MYOF: variants seen among roughly 807,000 people sequenced by gnomAD.
MYOF encodes the protein myoferlin.
A neutral mutation model predicts 284.2 loss-of-function variants in MYOF; 244 were observed. The ratio of observed to expected loss-of-function variants is 0.86; its 90% CI spans 0.77 to 0.95. MYOF has a LOEUF of 0.95. Among genes scored for constraint, MYOF ranks in the 40% least tolerant of loss-of-function variants. The probability of loss-of-function intolerance (pLI) is 0.00; values close to 1 mark genes in which losing one functional copy is unlikely to be tolerated. For missense variants in MYOF, 2,496 were observed against 2,560.6 expected (o/e 0.97, Z 0.54); for synonymous variants, 904 against 919.7 (o/e 0.98, Z 0.31).
chr10:93,389,080 T>C lies in MYOF; in HGVS notation c.1531A>G (p.Arg511Gly), dbSNP rs942696844. 2 of 1,614,190 alleles carry C rather than the reference T, an allele frequency of 1.2e-6. No individual in the cohort carries two copies. Among genetic ancestry groups the C allele is most frequent in the Non-Finnish European group, 8.5e-7 (1 of 1,180,022 alleles). Residue 511 changes from arginine to glycine, a missense_variant, in exon 18 of 54, where the codon AGA becomes GGA. Physicochemically the swap from Arg to Gly is moderately radical, Grantham distance 125. Around this residue, in one of 3 missense-constraint regions of MYOF, gnomAD observed 2,436 missense variants for 2,480.7 expected, o/e 0.98. Transcript: ENST00000359263. ...GGGTCTGGGAATCCCGTGTACTCTCTGGGGCTTCCATAAAGATTCAGGTAA... is the reference window on the plus strand; with the variant it reads ...GGGTCTGGGAATCCCGTGTACTCTCCGGGGCTTCCATAAAGATTCAGGTAA... ...PCYLNLYGSP[R>G]EYTGFPDPYD...
intron 43 of MYOF, among the ~76,000 whole-genome samples, chr10:93,332,304 C>T (rs1476561794): frequency 6.6e-6 from 1 of 151,544 alleles, no homozygotes; most frequent in Non-Finnish European, 1.5e-5. Context: ...CTCACTGCAA[C>T]CTCCACCTCC....
Position 93,337,865 on chromosome 10 carries a change from C to T in MYOF, c.4387G>A (p.Glu1463Lys), listed in dbSNP as rs757500620. 3 of 1,614,044 alleles carry T rather than the reference C, an allele frequency of 1.9e-6. No homozygotes were observed. The highest frequency in any genetic ancestry group is 2.5e-6 in the Non-Finnish European group (3 of 1,179,996). Reference protein sequence around the residue: ...WWSKFYASSGEHEKCGQYIQK... With the variant: ...WWSKFYASSGKHEKCGQYIQK... ...ATATACTGTCCGCATTTTTCATGTT[C>T]CCCTGAGGAAGCATAAAATTTACTC... Residue 1463 changes from glutamate to lysine, a missense_variant, in exon 40 of 54, where the codon GAA becomes AAA. By Grantham distance (56) the Glu-to-Lys change is moderately conservative. Around this residue, in one of 3 missense-constraint regions of MYOF, gnomAD observed 2,436 missense variants for 2,480.7 expected, o/e 0.98. Transcript: ENST00000359263.
chr10:93,406,279 A>G (rs1847569090), intron 7 of MYOF, among the ~76,000 whole-genome samples: 1 of 44,694 alleles, frequency 2.2e-5, no homozygotes, highest in African/African-American at 4.7e-5. Flanking sequence ...TTTTTTTAGT[A>G]AACCTCTTTT....
chr10:93,407,874 A>T (rs1217427541), intron 7 of MYOF, among the ~76,000 whole-genome samples: 1 of 152,152 alleles, frequency 6.6e-6, no homozygotes, highest in African/African-American at 2.4e-5. Flanking sequence ...AAACTGGATT[A>T]GTCACGAGAG....
At chr10:93,428,375 T>G (rs1397251278) in intron 4 of MYOF, among the ~76,000 whole-genome samples, 5 of 558 alleles carry the variant, frequency 9.0e-3, no homozygotes, top group Non-Finnish European at 0.045. Flanking sequence ...TAATTTTTGT[T>G]TTTTTTTTTT....
chr10:93,365,996 C>A (rs947346212), intron 26 of MYOF, among the ~76,000 whole-genome samples: 2 of 151,872 alleles, frequency 1.3e-5, no homozygotes, highest in African/African-American at 4.8e-5. Flanking sequence ...CAATAAAGTT[C>A]TTTTATTCTA....
intron 16 of MYOF, among the ~76,000 whole-genome samples, chr10:93,394,903 T>C (rs909594763): frequency 2.0e-5 from 3 of 150,834 alleles, no homozygotes; most frequent in Non-Finnish European, 4.4e-5. Context: ...TATATATATA[T>C]GCATGTATAT....
chr10:93,343,216 G>C (rs2422204), intron 38 of MYOF, among the ~76,000 whole-genome samples: 36,243 of 151,990 alleles, frequency 0.24, 6,113 homozygotes, highest in East Asian at 0.89. Context: ...GAGGCTTTTT[G>C]CCCCCTTTCC....
intron 3 of MYOF, among the ~76,000 whole-genome samples, chr10:93,443,472 CTGTGTGTGTGTGTG>C (rs5787060): frequency 7.3e-6 from 1 of 137,154 alleles, no homozygotes; most frequent in Non-Finnish European, 1.5e-5. Context: ...CTCTCTCTCT[CTGTGTGTGTGTGTG>C]TGTGTGTGTG....
chr10:93,425,743 C>G (rs1848560876), intron 5 of MYOF: 1 of 310,352 alleles, frequency 3.2e-6, no homozygotes, highest in Non-Finnish European at 6.1e-6. Context: ...TTGAGCCAAA[C>G]AGCCTGGAGA....
intron 5 of MYOF, among the ~76,000 whole-genome samples, chr10:93,412,839 G>T (rs1847956296): frequency 6.6e-6 from 1 of 152,208 alleles, no homozygotes; most frequent in Non-Finnish European, 1.5e-5. Context: ...AGAACACCCA[G>T]ATGGCTGAAG....
rs142925143 is a variant in MYOF, at chr10:93,433,850, A to G, written c.237-2334T>C. ...AGCAGCAACTGTATTATTCTCCCCA[A>G]TCCTCTTCAGTCTTCAGAAATAGGA... On this transcript the variant is annotated intron_variant, in intron 3 of 53. Transcript: ENST00000359263. Among the ~76,000 whole-genome samples the G allele has an allele frequency of 9.6e-3, 1,464 of 152,298 alleles. 11 individuals are homozygous for G. The highest frequency in any genetic ancestry group is 0.018 in the South Asian group (88 of 4,828).
At position 93,323,263 on chromosome 10, in the gene MYOF, G is replaced by A. The variant is rs767977796; in HGVS notation, c.5360+7C>T. 2 of 1,614,066 alleles carry A rather than the reference G, an allele frequency of 1.2e-6. No homozygotes were observed. The highest frequency in any genetic ancestry group is 1.7e-5 in the Admixed American group (1 of 60,026). ...TATGTATCAGGGTCTCAGGATGACTGACTTACTTCTTGGCTTTCCGGGGTG... is the reference window on the plus strand; with the variant it reads ...TATGTATCAGGGTCTCAGGATGACTAACTTACTTCTTGGCTTTCCGGGGTG... On this transcript the variant is annotated splice_region_variant and intron_variant, in intron 47 of 53. Coordinates refer to ENST00000359263, the MANE Select transcript of MYOF (RefSeq NM_013451.4).
At chr10:93,341,927 G>A in intron 38 of MYOF, 5 of 1,289,808 alleles carry the variant, frequency 3.9e-6, no homozygotes, top group Non-Finnish European at 5.1e-6. Context: ...ACTGTCGCTG[G>A]AGAAGCCATT....
intron 38 of MYOF, 177 bp from the exon 39 acceptor site, chr10:93,340,341 G>T: frequency 1.6e-6 from 1 of 628,762 alleles, no homozygotes; most frequent in Non-Finnish European, 2.7e-6. Context: ...AAGTCAGGAT[G>T]AGCCCACAAC....
chr10:93,402,211 G>T, intron 11 of MYOF, 21 bp downstream of exon 11: 1 of 1,591,262 alleles, frequency 6.3e-7, no homozygotes, highest in Non-Finnish European at 8.6e-7. Flanking sequence ...AGTGTAGAAA[G>T]TAGAGAATGT....
intron 3 of MYOF, among the ~76,000 whole-genome samples, chr10:93,440,195 C>T (rs985332901): frequency 6.6e-6 from 1 of 152,068 alleles, no homozygotes; most frequent in African/African-American, 2.4e-5. Flanking sequence ...AGGTGGATCA[C>T]GAGGTCAAGA....
At chr10:93,436,256 T>C (rs2134238007) in intron 3 of MYOF, among the ~76,000 whole-genome samples, 1 of 152,322 alleles carries the variant, frequency 6.6e-6, no homozygotes, top group East Asian at 1.9e-4. Context: ...ACCTCCATTC[T>C]GACCCAATCA....
intron 1 of MYOF, among the ~76,000 whole-genome samples, chr10:93,471,621 C>T (rs1589619248): frequency 6.6e-6 from 1 of 152,102 alleles, no homozygotes; most frequent in South Asian, 2.1e-4. Flanking sequence ...GGGCGTGGTG[C>T]CTCACGCCTG....
Sources: allele counts gnomAD v4.1 joint callset (sites outside exome capture counted in the v4.1 genomes callset), GRCh38; gene constraint gnomAD v4.1.1; regional missense constraint gnomAD v4.1.1; transcripts MANE v1.5; gene names NCBI Gene and HGNC (gene_info 2026-07-23, HGNC 2026-07-21).